Variants in KCNH7 observed in about 807,000 individuals in gnomAD.
KCNH7 encodes the protein potassium voltage-gated channel subfamily H member 7.
Under a neutral mutation model 120.8 loss-of-function variants are expected in KCNH7, and 49 were observed. That is an observed-to-expected ratio of 0.41 (90% CI 0.32 to 0.51). The LOEUF (loss-of-function observed/expected upper bound fraction) is 0.51, where lower values mean the gene tolerates loss of function less well. Ranked by LOEUF, KCNH7 falls within the 20% of genes least tolerant of loss-of-function variation. The pLI is 0.38. For synonymous variants in KCNH7, 547 were observed against 516.1 expected (o/e 1.06, Z -0.81); for missense variants, 1,097 against 1,446.6 (o/e 0.76, Z 3.92).
At position 162,423,317 on chromosome 2, in the gene KCNH7, GGA is replaced by G; in HGVS notation, c.2154+17_2154+18del. ...ATAATGCCTGCGGCACTTTCATTTT[GGA>G]AAACAGACATACATACCATGTTCAT... On this transcript the variant is annotated intron_variant, in intron 9 of 15. Transcript: ENST00000332142. 1 of 1,613,940 alleles carries G rather than the reference GGA, an allele frequency of 6.2e-7. No individual in the cohort carries two copies. The highest frequency in any genetic ancestry group is 8.5e-7 in the Non-Finnish European group (1 of 1,179,854).
intron 2 of KCNH7, among the ~76,000 whole-genome samples, chr2:162,559,260 A>G (rs1292633118): frequency 6.6e-6 from 1 of 152,084 alleles, no homozygotes; most frequent in Non-Finnish European, 1.5e-5. Context: ...TTGAGAAACT[A>G]TACTCCAGAA....
chr2:162,619,402 A>C (rs1683260719), intron 2 of KCNH7, among the ~76,000 whole-genome samples: 1 of 151,888 alleles, frequency 6.6e-6, no homozygotes, highest in Admixed American at 6.6e-5. Flanking sequence ...ATCTTTTATA[A>C]TTCTCCCCAA....
Position 162,780,449 on chromosome 2 carries a change from C to T in KCNH7, c.307+56088G>A, listed in dbSNP as rs556811815. On this transcript the variant is annotated intron_variant, in intron 2 of 15. Coordinates refer to ENST00000332142, the MANE Select transcript of KCNH7 (RefSeq NM_033272.4). Reference sequence around the variant, plus strand: ...CAAAAAGTGATGCACTGAATAACAGCGTGCCAGCCAGTGCTAGGGTAGTTG... The same window carrying T: ...CAAAAAGTGATGCACTGAATAACAGTGTGCCAGCCAGTGCTAGGGTAGTTG... Among the ~76,000 whole-genome samples the T allele has an allele frequency of 7.9e-5, 12 of 152,204 alleles. No homozygotes were observed. The South Asian group carries it at 2.3e-3, about 29-fold the overall frequency.
intron 2 of KCNH7, among the ~76,000 whole-genome samples, chr2:162,636,869 G>A (rs965710108): frequency 5.9e-5 from 9 of 151,988 alleles, no homozygotes; most frequent in African/African-American, 2.2e-4. Flanking sequence ...AATAGATCTT[G>A]CTTTGTCATT....
chr2:162,639,810 G>A (rs1684085105), intron 2 of KCNH7, among the ~76,000 whole-genome samples: 2 of 151,938 alleles, frequency 1.3e-5, no homozygotes, highest in South Asian at 2.1e-4. Context: ...CATGATTGAT[G>A]GCACACAAAA....
At chr2:162,837,039 C>T (rs1481746959) in intron 1 of KCNH7, among the ~76,000 whole-genome samples, 1 of 152,120 alleles carries the variant, frequency 6.6e-6, no homozygotes, top group Non-Finnish European at 1.5e-5. Flanking sequence ...GTTCTCAAGC[C>T]CTGCAACTGC....
intron 13 of KCNH7, among the ~76,000 whole-genome samples, chr2:162,383,562 A>C (rs947168244): frequency 3.3e-5 from 5 of 151,984 alleles, no homozygotes; most frequent in Admixed American, 1.3e-4. Flanking sequence ...TTTGTAGCTG[A>C]ATATGGTACT....
chr2:162,470,774 G>T (rs1413672052), intron 6 of KCNH7, among the ~76,000 whole-genome samples: 5 of 152,248 alleles, frequency 3.3e-5, no homozygotes. Context: ...AACAGGCCAT[G>T]ATGACAATGG....
chr2:162,809,350 A>T (rs1316404324), intron 2 of KCNH7, among the ~76,000 whole-genome samples: 1 of 152,184 alleles, frequency 6.6e-6, no homozygotes, highest in African/African-American at 2.4e-5. Context: ...ATGTGAATTT[A>T]TGAAGAATTA....
intron 2 of KCNH7, among the ~76,000 whole-genome samples, chr2:162,596,482 T>C (rs1043139800): frequency 2.6e-5 from 4 of 151,958 alleles, no homozygotes; most frequent in African/African-American, 9.7e-5. Flanking sequence ...GTAAATGTTG[T>C]TGGAAAAACT....
intron 2 of KCNH7, among the ~76,000 whole-genome samples, chr2:162,614,257 A>T (rs1231972362): frequency 6.6e-6 from 1 of 152,094 alleles, no homozygotes; most frequent in Non-Finnish European, 1.5e-5. Flanking sequence ...GCAATGCCAA[A>T]TTGCTATAAA....
chr2:162,687,629 C>A (rs1685943135), intron 2 of KCNH7, among the ~76,000 whole-genome samples: 1 of 152,070 alleles, frequency 6.6e-6, no homozygotes, highest in Non-Finnish European at 1.5e-5. Flanking sequence ...CGAAAGTTGG[C>A]AAATGCTACA....
At chr2:162,505,080 T>G (rs1469898089) in intron 5 of KCNH7, among the ~76,000 whole-genome samples, 1 of 152,000 alleles carries the variant, frequency 6.6e-6, no homozygotes, top group Non-Finnish European at 1.5e-5. Context: ...ATGGATTGTT[T>G]ACCCTGCTCC....
intron 2 of KCNH7, among the ~76,000 whole-genome samples, chr2:162,568,995 T>C (rs1693363820): frequency 6.6e-6 from 1 of 152,162 alleles, no homozygotes; most frequent in African/African-American, 2.4e-5. Context: ...ATTCTCTTTT[T>C]TGGTTGTGTC....
chr2:162,475,506 C>A (rs1315959638), intron 6 of KCNH7, among the ~76,000 whole-genome samples: 1 of 152,192 alleles, frequency 6.6e-6, no homozygotes, highest in Non-Finnish European at 1.5e-5. Context: ...ATGTAAGAAA[C>A]CACACATCTT....
chr2:162,689,592 TA>T (rs1322407724), intron 2 of KCNH7, among the ~76,000 whole-genome samples: 1 of 152,182 alleles, frequency 6.6e-6, no homozygotes, highest in African/African-American at 2.4e-5. Flanking sequence ...TAAATCTGCT[TA>T]TTTTTTTCTG....
intron 2 of KCNH7, among the ~76,000 whole-genome samples, chr2:162,569,084 GA>G (rs1056308645): frequency 1.3e-5 from 2 of 152,070 alleles, no homozygotes; most frequent in Non-Finnish European, 2.9e-5. Context: ...CTATTGATTG[GA>G]ATAGTTTCAG....
chr2:162,448,138 T>C (rs922389160), intron 6 of KCNH7, among the ~76,000 whole-genome samples: 1 of 152,096 alleles, frequency 6.6e-6, no homozygotes, highest in Admixed American at 6.6e-5. Context: ...AAGTCCAAGA[T>C]ACACACATAT....
At chr2:162,791,117 T>G (rs1423382612) in intron 2 of KCNH7, among the ~76,000 whole-genome samples, 2 of 152,016 alleles carry the variant, frequency 1.3e-5, no homozygotes, top group Non-Finnish European at 1.5e-5. Context: ...TTAGTGAAGT[T>G]TCAGAATAAA....
Sources: allele counts gnomAD v4.1 joint callset (sites outside exome capture counted in the v4.1 genomes callset), GRCh38; gene constraint gnomAD v4.1.1; transcripts MANE v1.5; gene names NCBI Gene and HGNC (gene_info 2026-07-23, HGNC 2026-07-21).